Variants in SDK1 observed in about 807,000 individuals in gnomAD.
SDK1 encodes the protein sidekick cell adhesion molecule 1.
SDK1 carries 157 observed loss-of-function variants against 245.5 expected under a neutral mutation model. That is an observed-to-expected ratio of 0.64 (90% CI 0.56 to 0.73). The LOEUF (loss-of-function observed/expected upper bound fraction) is 0.73, where lower values mean the gene tolerates loss of function less well. Ranked by LOEUF, SDK1 falls within the 30% of genes least tolerant of loss-of-function variation. The pLI, the probability that SDK1 is intolerant of heterozygous loss-of-function variation, is 0.00. For missense variants in SDK1, 3,583 were observed against 3,002.3 expected (o/e 1.19, Z -4.52); for synonymous variants, 1,647 against 1,278.5 (o/e 1.29, Z -6.15).
chr7:3,391,966 A>AATATATATATATATATAT lies in SDK1; in HGVS notation c.298+90087_298+90104dup, dbSNP rs55768106. On this transcript the variant is annotated intron_variant, in intron 1 of 44. Coordinates refer to ENST00000404826, the MANE Select transcript of SDK1 (RefSeq NM_152744.4). ...ATTTTTAAAAGTATGTATATCATGTAATATATATATATATATATATATGCA... is the reference window on the plus strand; with the variant it reads ...ATTTTTAAAAGTATGTATATCATGTAATATATATATATATATATATATATATATATATATATATATGCA... 1.1e-3 allele frequency among the ~76,000 whole-genome samples: 162 copies of AATATATATATATATATAT among 143,996 alleles called. 1 individual carries two copies. Among genetic ancestry groups the AATATATATATATATATAT allele is most frequent in the African/African-American group, 4.0e-3 (150 of 37,626 alleles). 94.5% of individuals were successfully genotyped at this position (143,996 alleles called of 152,430 possible).
intron 1 of SDK1, among the ~76,000 whole-genome samples, chr7:3,337,235 A>C (rs1780225427): frequency 6.6e-6 from 1 of 152,220 alleles, no homozygotes; most frequent in African/African-American, 2.4e-5. Flanking sequence ...AAAACCAAAA[A>C]GAAATGATAG....
chr7:3,927,578 T>C (rs376467598), intron 5 of SDK1, among the ~76,000 whole-genome samples: 1 of 152,196 alleles, frequency 6.6e-6, no homozygotes, highest in Admixed American at 6.5e-5. Context: ...GCTTCTCCCG[T>C]GACACTGTCA....
chr7:3,776,580 A>G (rs115198327), intron 4 of SDK1, among the ~76,000 whole-genome samples: 1 of 152,242 alleles, frequency 6.6e-6, no homozygotes, highest in African/African-American at 2.4e-5. Flanking sequence ...GTATGTGAAT[A>G]TGTATAAACC....
intron 1 of SDK1, among the ~76,000 whole-genome samples, chr7:3,517,731 G>C (rs1332561011): frequency 6.6e-6 from 1 of 152,102 alleles, no homozygotes; most frequent in Admixed American, 6.6e-5. Flanking sequence ...TGTTCGCCTT[G>C]AATTGTATTG....
chr7:4,176,818 G>C (rs640075), intron 34 of SDK1, among the ~76,000 whole-genome samples: 110,554 of 152,126 alleles, frequency 0.73, 40,246 homozygotes, highest in Admixed American at 0.78. Flanking sequence ...ATCAGAATCT[G>C]AGTCAAGACT....
intron 35 of SDK1, among the ~76,000 whole-genome samples, chr7:4,198,438 C>A (rs1437396300): frequency 3.3e-5 from 5 of 152,230 alleles, no homozygotes; most frequent in Non-Finnish European, 7.3e-5. Context: ...AAGGCCTCTG[C>A]TCTCATTGCA....
intron 5 of SDK1, among the ~76,000 whole-genome samples, chr7:3,854,359 G>T (rs1277895895): frequency 6.6e-5 from 10 of 152,170 alleles, no homozygotes; most frequent in Admixed American, 3.9e-4. Flanking sequence ...ATACCTTATA[G>T]AGTATGTGTG....
intron 5 of SDK1, among the ~76,000 whole-genome samples, chr7:3,904,008 CATGCAG>C (rs1008041232): frequency 1.7e-4 from 26 of 152,258 alleles, no homozygotes; most frequent in African/African-American, 6.0e-4. Flanking sequence ...GCCCTCACCA[CATGCAG>C]ACGTCCAATC....
chr7:4,191,489 C>G (rs1410955282), intron 35 of SDK1, among the ~76,000 whole-genome samples: 1 of 152,268 alleles, frequency 6.6e-6, no homozygotes, highest in Non-Finnish European at 1.5e-5. Flanking sequence ...GCCAGCTTCT[C>G]TGGGATCCCT....
chr7:3,506,649 C>G, intron 1 of SDK1, among the ~76,000 whole-genome samples: 1 of 152,124 alleles, frequency 6.6e-6, no homozygotes, highest in East Asian at 1.9e-4. Flanking sequence ...TCTTCCTCCC[C>G]CTGCTCCCCA....
intron 19 of SDK1, among the ~76,000 whole-genome samples, chr7:4,062,785 G>C (rs1779621983): frequency 1.3e-5 from 2 of 152,192 alleles, no homozygotes; most frequent in African/African-American, 2.4e-5. Flanking sequence ...TCCCAGGGAT[G>C]CAAGGATGGT....
chr7:3,560,521 C>T (rs1779714755), intron 1 of SDK1, among the ~76,000 whole-genome samples: 1 of 152,136 alleles, frequency 6.6e-6, no homozygotes. Flanking sequence ...ACCATTCCTA[C>T]TACTGCTACC....
intron 1 of SDK1, among the ~76,000 whole-genome samples, chr7:3,584,103 A>G (rs1195303934): frequency 1.3e-5 from 2 of 152,168 alleles, no homozygotes. Context: ...TTTTTCCCTT[A>G]GTATGTTTTT....
At chr7:4,139,705 ATGTGTGTGTGTGTGTATGTG>A (rs1562872819) in intron 28 of SDK1, among the ~76,000 whole-genome samples, 2 of 111,872 alleles carry the variant, frequency 1.8e-5, no homozygotes, top group Non-Finnish European at 3.9e-5. Context: ...GTGTGTGTGT[ATGTGTGTGTGTGTGTATGTG>A]TGTGTGTGTG....
intron 1 of SDK1, among the ~76,000 whole-genome samples, chr7:3,467,156 A>G (rs1012618328): frequency 6.6e-6 from 1 of 152,156 alleles, no homozygotes; most frequent in Non-Finnish European, 1.5e-5. Flanking sequence ...TCATGGGGAA[A>G]GTATTTTTAT....
chr7:3,939,775 G>A (rs1397801301), intron 5 of SDK1, among the ~76,000 whole-genome samples: 1 of 152,228 alleles, frequency 6.6e-6, no homozygotes, highest in African/African-American at 2.4e-5. Context: ...GGTGGAAAGA[G>A]ATCCGACACA....
Position 3,918,517 on chromosome 7 carries a change from A to G in SDK1, c.848-32406A>G, listed in dbSNP as rs76544980. ...CACCCCCGGATAGGACCGTAATTGC[A>G]GGAAAACAAGCTCAAGGCTCCCACT... On this transcript the variant is annotated intron_variant, in intron 5 of 44. Coordinates refer to ENST00000404826, the MANE Select transcript of SDK1 (RefSeq NM_152744.4). Among the ~76,000 whole-genome samples the G allele has an allele frequency of 9.8e-3, 1,500 of 152,318 alleles. 17 individuals carry two copies. Among genetic ancestry groups the G allele is most frequent in the South Asian group, 0.039 (188 of 4,826 alleles).
intron 22 of SDK1, among the ~76,000 whole-genome samples, chr7:4,094,755 C>A (rs1011978386): frequency 1.3e-5 from 2 of 152,162 alleles, no homozygotes; most frequent in Non-Finnish European, 2.9e-5. Flanking sequence ...TTTCAGGGCA[C>A]CAGGCCAGGA....
chr7:3,429,523 G>A (rs1779771392), intron 1 of SDK1, among the ~76,000 whole-genome samples: 1 of 151,620 alleles, frequency 6.6e-6, no homozygotes, highest in African/African-American at 2.4e-5. Context: ...ATGTTGTGTT[G>A]TATGGACCTT....
Sources: gnomAD v4.1 joint callset for allele counts (sites outside exome capture counted in the v4.1 genomes callset) on GRCh38, gnomAD v4.1.1 for gene constraint, MANE v1.5 for transcripts, NCBI Gene and HGNC (gene_info 2026-07-23, HGNC 2026-07-21) for gene names.